TOPAZ1: variants seen among roughly 807,000 people sequenced by gnomAD.
TOPAZ1 encodes the protein testis and ovary specific TOPAZ 1.
In TOPAZ1, 66 loss-of-function variants were observed where a neutral mutation model predicts 172.2. The ratio of observed to expected loss-of-function variants is 0.38; its 90% confidence interval spans 0.31 to 0.47. The LOEUF (loss-of-function observed/expected upper bound fraction) is 0.47. Ranked by LOEUF, TOPAZ1 falls within the 20% of genes least tolerant of loss-of-function variation. The pLI is 0.99. For missense variants in TOPAZ1, 1,822 were observed against 1,972.4 expected (o/e 0.92, Z 1.44); for synonymous variants, 681 against 683.9 (o/e 1.00, Z 0.07).
At chr3:44,324,993 G>A (rs992710083) in intron 18 of TOPAZ1, among the ~76,000 whole-genome samples, 4 of 152,244 alleles carry the variant, frequency 2.6e-5, no homozygotes, top group Middle Eastern at 3.4e-3. Context: ...TGCAAGTGAG[G>A]TTACGGGATA....
intron 2 of TOPAZ1, among the ~76,000 whole-genome samples, chr3:44,246,717 T>C (rs1699571375): frequency 6.6e-6 from 1 of 152,244 alleles, no homozygotes. Flanking sequence ...CTTTGTAGTC[T>C]GACCTTGGTT....
chr3:44,310,147 G>T (rs1191514823), intron 16 of TOPAZ1, among the ~76,000 whole-genome samples, 157 bp downstream of exon 16: 1 of 152,210 alleles, frequency 6.6e-6, no homozygotes, highest in African/African-American at 2.4e-5. Flanking sequence ...TAAACTGAAA[G>T]GGGAAAGTTA....
chr3:44,269,209 T>C lies in TOPAZ1; in HGVS notation c.3161-7T>C, dbSNP rs760870684. On this transcript the variant is annotated splice_polypyrimidine_tract_variant and splice_region_variant and intron_variant, in intron 6 of 19. Transcript: ENST00000309765. ...TGGTGTGTAATGCCACTCTAAATCATTTCTAGATTTCAGATTTCTGGGAAA... is the reference window on the plus strand; with the variant it reads ...TGGTGTGTAATGCCACTCTAAATCACTTCTAGATTTCAGATTTCTGGGAAA... The C allele has an allele frequency of 6.6e-7, 1 of 1,512,740 alleles. No homozygotes were observed. The highest frequency in any genetic ancestry group is 9.0e-7 in the Non-Finnish European group (1 of 1,111,732). The allele number at this position is 1,512,740 out of a possible 1,614,324, so 93.7% of individuals were successfully genotyped here. A position where few individuals can be genotyped will look rare whatever the true frequency, so the allele number is the denominator to read the frequency against.
At chr3:44,309,562 A>T (rs1259753199) in intron 15 of TOPAZ1, among the ~76,000 whole-genome samples, 1 of 152,230 alleles carries the variant, frequency 6.6e-6, no homozygotes, top group Non-Finnish European at 1.5e-5. Context: ...AACAAATAAA[A>T]AGAAGGCTTC....
At chr3:44,335,973 A>G (rs1700720077), downstream of TOPAZ1, among the ~76,000 whole-genome samples, 1 of 152,208 alleles carries the variant, frequency 6.6e-6, no homozygotes. Flanking sequence ...CAAGCACTAC[A>G]AAGGCTTTTT....
downstream of TOPAZ1, among the ~76,000 whole-genome samples, chr3:44,334,998 G>A: frequency 6.6e-6 from 1 of 152,118 alleles, no homozygotes; most frequent in East Asian, 1.9e-4. Flanking sequence ...ACCTCCCCAA[G>A]GGGTGAGAGT....
Position 44,243,373 on chromosome 3 carries a change from A to G in TOPAZ1, c.867A>G (p.Gly289=). ...TACAAACAGAAGAAAATGTAATGGG[A>G]GTAAATAAGTTACTACCAGAAGAGA... ...QLLQTEENVM[G]VNKLLPEESD... is the part of the protein sequence containing the mutation. Residue 289 remains glycine (G), a synonymous_variant, in exon 2 of 20, where the codon GGA becomes GGG. Transcript: ENST00000309765. 1 of 1,551,072 alleles carries G rather than the reference A, an allele frequency of 6.4e-7. No homozygotes were observed. Among genetic ancestry groups the G allele is most frequent in the Non-Finnish European group, 8.7e-7 (1 of 1,146,834 alleles).
intron 12 of TOPAZ1, among the ~76,000 whole-genome samples, chr3:44,302,763 A>G (rs943507939): frequency 2.0e-5 from 3 of 152,006 alleles, no homozygotes; most frequent in Admixed American, 1.3e-4. Flanking sequence ...TAAGTACTTA[A>G]TATTTTGGGT....
chr3:44,305,604 A>G lies in TOPAZ1; in HGVS notation c.4039+283A>G, dbSNP rs548450322. Among the ~76,000 whole-genome samples, 7 of 152,266 alleles carry G rather than the reference A, an allele frequency of 4.6e-5. No individual in the cohort carries two copies. The South Asian group carries it at 1.5e-3, about 32-fold the overall frequency. ...AGGCTAGTCTCGAACTCTTGTGCTC[A>G]AGGGATCCTCCCACCTCAGCCTCTC... On this transcript the variant is annotated intron_variant, in intron 14 of 19. Coordinates refer to ENST00000309765, the MANE Select transcript of TOPAZ1 (RefSeq NM_001145030.2).
intron 4 of TOPAZ1, among the ~76,000 whole-genome samples, chr3:44,260,122 C>T (rs920025072): frequency 6.6e-6 from 1 of 152,136 alleles, no homozygotes; most frequent in Admixed American, 6.5e-5. Context: ...TCCCCTTCAC[C>T]TTGTGTAAGT....
At chr3:44,305,109 CT>C (rs1700319715) in intron 13 of TOPAZ1, 37 bp from the exon 14 acceptor site, 2 of 1,400,364 alleles carry the variant, frequency 1.4e-6, no homozygotes, top group African/African-American at 2.9e-5. Flanking sequence ...AGTTTTCATT[CT>C]TTTTCTTTTT....
chr3:44,244,605 A>G lies in TOPAZ1; in HGVS notation c.2099A>G (p.Lys700Arg). 5 of 1,550,750 alleles carry G rather than the reference A, an allele frequency of 3.2e-6. No individual in the cohort carries two copies. Among genetic ancestry groups the G allele is most frequent in the Non-Finnish European group, 4.4e-6 (5 of 1,146,760 alleles). ...CTTAAGAATAAATCAGAAAAAAGAA[A>G]AGAAGTAAATGCCAAGTCATCAGAG... The part of the protein sequence containing the change: ...PLLKNKSEKR[K>R]EVNAKSSERE... The change falls in exon 2 of 20, where the codon AAA becomes AGA. Residue 700 changes from lysine (K) to arginine (R), a missense_variant. By Grantham distance (26) the Lys-to-Arg change is conservative. This residue lies in a region of TOPAZ1 where 1,489 missense variants were observed against 1,490.8 expected (regional missense o/e 1.00). Coordinates refer to ENST00000309765, the MANE Select transcript of TOPAZ1 (RefSeq NM_001145030.2).
At position 44,309,602 on chromosome 3, in the gene TOPAZ1, G is replaced by A. The variant is rs536835100; in HGVS notation, c.4141-223G>A. On this transcript the variant is annotated intron_variant, in intron 15 of 19. Transcript: ENST00000309765. Reference sequence around the variant, plus strand: ...AAAGGGGGTCTGGTGGTATTGGTGGGAAGAGGTGGTTAATATGAGGCAGAG... The same window carrying A: ...AAAGGGGGTCTGGTGGTATTGGTGGAAAGAGGTGGTTAATATGAGGCAGAG... Among the ~76,000 whole-genome samples, 6 of 152,262 alleles carry A rather than the reference G, an allele frequency of 3.9e-5. No individual in the cohort carries two copies. The East Asian group carries it at 1.2e-3, about 29-fold the overall frequency.
intron 2 of TOPAZ1, among the ~76,000 whole-genome samples, chr3:44,250,618 A>G (rs1247627673): frequency 2.6e-5 from 4 of 152,200 alleles, no homozygotes; most frequent in Non-Finnish European, 5.9e-5. Flanking sequence ...AACCTGCTCC[A>G]GAGTCTGTCC....
chr3:44,256,878 C>T (rs1699709787), intron 4 of TOPAZ1, among the ~76,000 whole-genome samples: 1 of 152,154 alleles, frequency 6.6e-6, no homozygotes, highest in African/African-American at 2.4e-5. Context: ...AGTAGATTGA[C>T]TTACGGGACA....
In TOPAZ1 at chr3:44,292,254, T is replaced by G. The variant is rs144127880; in HGVS notation, c.3797+1368T>G. ...GTTTTCCATGAAAATTGTAACACTG[T>G]TTAGGCTAAATAGATTTTGGGGACT... On this transcript the variant is annotated intron_variant, in intron 12 of 19. Coordinates refer to ENST00000309765, the MANE Select transcript of TOPAZ1 (RefSeq NM_001145030.2). Among the ~76,000 whole-genome samples, 180 of 152,318 alleles carry G rather than the reference T, an allele frequency of 1.2e-3. 1 individual carries two copies. The highest frequency in any genetic ancestry group is 1.7e-3 in the Non-Finnish European group (118 of 68,030).
At position 44,242,009 on chromosome 3, in the gene TOPAZ1, T is replaced by A; in HGVS notation, c.-45T>A. 1 of 1,517,756 alleles carries A rather than the reference T, an allele frequency of 6.6e-7. No homozygotes were observed. Among genetic ancestry groups the A allele is most frequent in the Non-Finnish European group, 8.8e-7 (1 of 1,132,470 alleles). 94.0% of individuals were successfully genotyped at this position (1,517,756 alleles called of 1,614,324 possible). ...CAGCGTTTGCACCGCGGTGGGTTCC[T>A]GCGAGCTGGTGCAGAGGGGCCCCAG... is the stretch of plus-strand genomic sequence containing the variant. On this transcript the variant is annotated 5_prime_UTR_variant, in exon 1 of 20. Coordinates refer to ENST00000309765, the MANE Select transcript of TOPAZ1 (RefSeq NM_001145030.2).
At chr3:44,305,029 T>C in intron 13 of TOPAZ1, 118 bp from the exon 14 acceptor site, 1 of 682,578 alleles carries the variant, frequency 1.5e-6, no homozygotes, top group Non-Finnish European at 2.4e-6. Context: ...GCAGATTTTG[T>C]CTTATTAATT....
downstream of TOPAZ1, among the ~76,000 whole-genome samples, chr3:44,334,167 T>A (rs1199298536): frequency 1.3e-5 from 2 of 152,178 alleles, no homozygotes; most frequent in South Asian, 2.1e-4. Context: ...TCTAAATTCC[T>A]CAGGTAAGGA....
Sources: gnomAD v4.1 joint callset for allele counts (sites outside exome capture counted in the v4.1 genomes callset) on GRCh38, gnomAD v4.1.1 for gene constraint, gnomAD v4.1.1 regional missense constraint, MANE v1.5 for transcripts, NCBI Gene and HGNC (gene_info 2026-07-23, HGNC 2026-07-21) for gene names.